COL6A6: variants seen among roughly 807,000 people sequenced by gnomAD.
The protein encoded by COL6A6 is collagen alpha-6(VI) chain.
Under a neutral mutation model 208.6 loss-of-function variants are expected in COL6A6, and 183 were observed. The ratio of observed to expected loss-of-function variants is 0.88; its 90% CI spans 0.78 to 0.99. The LOEUF is 0.99. Ranked by LOEUF, COL6A6 falls within the 50% of genes least tolerant of loss-of-function variation. COL6A6 has a pLI of 0.00. For missense variants in COL6A6, 2,816 were observed against 2,815.2 expected (o/e 1.00, Z -0.01); for synonymous variants, 973 against 1,011.8 (o/e 0.96, Z 0.73).
At chr3:130,571,657 GTTGTT>G (rs540206506) in intron 7 of COL6A6, among the ~76,000 whole-genome samples, 8 of 151,898 alleles carry the variant, frequency 5.3e-5, no homozygotes, top group Non-Finnish European at 1.2e-4. Flanking sequence ...AAATTCAAAA[GTTGTT>G]TTGTTTTGTT....
intron 8 of COL6A6, 115 bp from the exon 9 acceptor site, chr3:130,581,446 T>G (rs2063418101): frequency 1.4e-6 from 1 of 710,286 alleles, no homozygotes; most frequent in South Asian, 2.3e-5. Context: ...CCTTTCTTTG[T>G]GTTCCAACTT....
chr3:130,589,996 A>AT (rs1045635263), intron 12 of COL6A6: 9 of 449,868 alleles, frequency 2.0e-5, no homozygotes, highest in South Asian at 3.2e-5. Flanking sequence ...AGAGTGGTAG[A>AT]TTTTTTTAAA....
rs150062981 is a variant in COL6A6 at position 130,661,926 on chromosome 3, T to C, written c.6120T>C (p.Ser2040=). 2.1e-4 allele frequency: 336 copies of C among 1,613,984 alleles called. No homozygotes were observed. The highest frequency in any genetic ancestry group is 2.8e-4 in the Non-Finnish European group (328 of 1,179,898). ...RAEFNLTTYR[S]KRLMKRHVHE... is the part of the protein sequence containing the mutation. ...AGTTCAATCTTACCACCTACAGAAGTAAGCGCCTCATGAAGAGGCATGTGC... is the reference window on the plus strand; with the variant it reads ...AGTTCAATCTTACCACCTACAGAAGCAAGCGCCTCATGAAGAGGCATGTGC... The change falls in exon 35 of 37, where the codon AGT becomes AGC. Residue 2040 remains serine, a synonymous_variant. Coordinates refer to ENST00000358511, the MANE Select transcript of COL6A6 (RefSeq NM_001102608.3).
At chr3:130,564,781 C>G (rs745904974) in intron 3 of COL6A6, among the ~76,000 whole-genome samples, 9 of 152,202 alleles carry the variant, frequency 5.9e-5, no homozygotes, top group Non-Finnish European at 1.0e-4. Flanking sequence ...AATATTGTCT[C>G]CCTTTTACAG....
intron 20 of COL6A6, among the ~76,000 whole-genome samples, chr3:130,604,380 A>T (rs2064116090): frequency 6.6e-6 from 1 of 152,094 alleles, no homozygotes; most frequent in African/African-American, 2.4e-5. Context: ...CTGTAGTCCC[A>T]GCTACTCGGG....
chr3:130,619,507 A>G (rs867968105), intron 23 of COL6A6, among the ~76,000 whole-genome samples: 1 of 152,276 alleles, frequency 6.6e-6, no homozygotes, highest in Non-Finnish European at 1.5e-5. Flanking sequence ...GGGATTTTGC[A>G]TATTAAGAAG....
intron 34 of COL6A6, among the ~76,000 whole-genome samples, chr3:130,659,590 C>T (rs796570923): frequency 2.6e-5 from 4 of 152,288 alleles, no homozygotes; most frequent in South Asian, 2.1e-4. Flanking sequence ...ATTTAAACTA[C>T]TATTAGTTCC....
At chr3:130,582,132 TGGCTCTTAAATTTCCA>T in intron 10 of COL6A6, 64 bp downstream of exon 10, 3 of 1,047,694 alleles carry the variant, frequency 2.9e-6, no homozygotes, top group Non-Finnish European at 4.2e-6. Context: ...AACTAAATTC[TGGCTCTTAAATTTCCA>T]GGCTCTTAAA....
At chr3:130,669,666 AAC>A (rs2066162603) in intron 36 of COL6A6, among the ~76,000 whole-genome samples, 1 of 152,126 alleles carries the variant, frequency 6.6e-6, no homozygotes, top group Non-Finnish European at 1.5e-5. Flanking sequence ...TATTTGAAAA[AAC>A]AGACTATGTT....
intron 29 of COL6A6, among the ~76,000 whole-genome samples, chr3:130,642,241 ATATG>A (rs1451301415): frequency 6.2e-5 from 6 of 96,846 alleles, no homozygotes; most frequent in African/African-American, 9.8e-5. Context: ...CTGACAGATT[ATATG>A]TGTGTGTGTG....
chr3:130,608,451 C>T (rs1428415973), intron 21 of COL6A6, among the ~76,000 whole-genome samples: 3 of 152,044 alleles, frequency 2.0e-5, no homozygotes, highest in Non-Finnish European at 4.4e-5. Flanking sequence ...TGACAGAATT[C>T]AAGAACAATA....
chr3:130,519,363 C>A (rs1418133986), intron 1 of COL6A6, among the ~76,000 whole-genome samples: 1 of 152,114 alleles, frequency 6.6e-6, no homozygotes, highest in East Asian at 1.9e-4. Context: ...GTGAGCTAGA[C>A]CCCCTGCAAA....
At chr3:130,657,689 T>C (rs1049208408) in intron 33 of COL6A6, among the ~76,000 whole-genome samples, 2 of 152,212 alleles carry the variant, frequency 1.3e-5, no homozygotes, top group Non-Finnish European at 2.9e-5. Flanking sequence ...TCAGGCCAAA[T>C]GTACTTTAAC....
intron 28 of COL6A6, among the ~76,000 whole-genome samples, chr3:130,639,801 A>G (rs746810442): frequency 2.6e-5 from 4 of 152,118 alleles, no homozygotes; most frequent in Non-Finnish European, 4.4e-5. Context: ...TTGTTTAGCA[A>G]ACCTCTGAAA....
At position 130,568,612 on chromosome 3, in the gene COL6A6, T is replaced by C; in HGVS notation, c.2401+8T>C. 1 of 1,588,476 alleles carries C rather than the reference T, an allele frequency of 6.3e-7. No homozygotes were observed. The highest frequency in any genetic ancestry group is 1.3e-5 in the African/African-American group (1 of 74,792). The stretch of plus-strand genomic sequence containing the variant: ...TATGCAGCCCCCGTGAAGGTAGGCA[T>C]GGGCATACTCACTAGCAGGACTATC... On this transcript the variant is annotated splice_region_variant and intron_variant, in intron 6 of 36. Coordinates refer to ENST00000358511, the MANE Select transcript of COL6A6 (RefSeq NM_001102608.3).
chr3:130,650,853 G>A (rs949093953), intron 33 of COL6A6, among the ~76,000 whole-genome samples: 3 of 152,178 alleles, frequency 2.0e-5, no homozygotes, highest in Non-Finnish European at 4.4e-5. Flanking sequence ...AATGCCAGTA[G>A]TCAAGATGTT....
At chr3:130,593,785 A>G (rs2063780357) in intron 17 of COL6A6, among the ~76,000 whole-genome samples, 1 of 152,198 alleles carries the variant, frequency 6.6e-6, no homozygotes, top group Non-Finnish European at 1.5e-5. Flanking sequence ...AGCAACTACC[A>G]TAGTAAGAAT....
chr3:130,572,775 A>G (rs1229885009), intron 7 of COL6A6, among the ~76,000 whole-genome samples: 1 of 152,214 alleles, frequency 6.6e-6, no homozygotes, highest in Non-Finnish European at 1.5e-5. Flanking sequence ...TCGATTTACC[A>G]TATTTCTTCT....
rs777729528 is a variant in COL6A6 at position 130,649,090 on chromosome 3, A to C, written c.5261A>C (p.His1754Pro). 24 of 1,571,060 alleles carry C rather than the reference A, an allele frequency of 1.5e-5. No individual in the cohort carries two copies. The highest frequency in any genetic ancestry group is 2.1e-5 in the Non-Finnish European group (24 of 1,157,476). Residue 1754 changes from histidine (H) to proline (P), a missense_variant, in exon 33 of 37, where the codon CAC becomes CCC. By Grantham distance (77) the His-to-Pro change is moderately conservative. Transcript: ENST00000358511. ...TTAGGAAAACCGGAATGCCCAGTGC[A>C]CCCAACCGAGTTGGTGTTTGCCCTG... ...GRHGKPECPVHPTELVFALDH... is the reference protein window; with the variant it reads ...GRHGKPECPVPPTELVFALDH...
Sources: allele counts gnomAD v4.1 joint callset (sites outside exome capture counted in the v4.1 genomes callset), GRCh38; gene constraint gnomAD v4.1.1; transcripts MANE v1.5; gene names NCBI Gene and HGNC (gene_info 2026-07-23, HGNC 2026-07-21).